Variants in PHRF1 observed in about 807,000 individuals in gnomAD.
PHRF1 encodes the protein PHD and RING finger domain-containing protein 1.
A neutral mutation model predicts 128.9 loss-of-function variants in PHRF1; 53 were observed. That is an observed-to-expected ratio of 0.41 (90% confidence interval 0.33 to 0.52). The LOEUF is 0.52. Among genes scored for constraint, PHRF1 ranks in the 20% least tolerant of loss-of-function variants. The pLI is 0.21. For synonymous variants in PHRF1, 1,178 were observed against 980.6 expected, an observed-to-expected ratio of 1.20 and a Z score of -3.76; for missense variants, 2,503 against 2,284.5, an observed-to-expected ratio of 1.10 and a Z score of -1.95.
Position 591,373 on chromosome 11 carries a change from A to G in PHRF1, c.421-11A>G, listed in dbSNP as rs377330405. The G allele has an allele frequency of 2.5e-5, 40 of 1,598,766 alleles. 1 individual carries two copies. In the African/African-American group the frequency reaches 3.9e-4, roughly 16 times the overall value. On this transcript the variant is annotated splice_polypyrimidine_tract_variant and intron_variant, in intron 4 of 17. Transcript: ENST00000264555. ...TTGACAAGATTCTGATCCTGTTTTTATTTCTCACAGAATGCCAATTCCTGT... is the reference window on the plus strand; with the variant it reads ...TTGACAAGATTCTGATCCTGTTTTTGTTTCTCACAGAATGCCAATTCCTGT...
Position 609,692 on chromosome 11 carries a change from C to A in PHRF1, c.4236C>A (p.Ser1412Arg). ...RVTWNLQESE[S>R]SAPAEDRAPR... ...CCTGGAACCTGCAGGAGTCGGAGAG[C>A]AGCGCCCCCGCCGAGGACAGAGCCC... is the stretch of plus-strand genomic sequence containing the variant. Residue 1412 changes from serine to arginine, a missense_variant, in exon 14 of 18, where the codon AGC (serine) becomes AGA (arginine). By Grantham distance (110) the Ser-to-Arg change is moderately radical. Transcript: ENST00000264555. 1 of 1,513,038 alleles carries A rather than the reference C, an allele frequency of 6.6e-7. No individual in the cohort carries two copies. Among genetic ancestry groups the A allele is most frequent in the Non-Finnish European group, 8.8e-7 (1 of 1,133,522 alleles). The allele number at this position is 1,513,038 out of a possible 1,614,324, so 93.7% of individuals were successfully genotyped here.
At chr11:592,199 G>A (rs1358767374) in intron 5 of PHRF1, among the ~76,000 whole-genome samples, 1 of 151,194 alleles carries the variant, frequency 6.6e-6, no homozygotes, top group Admixed American at 6.6e-5. Flanking sequence ...ACAGGCGTGA[G>A]CCAACGTGCC....
Position 597,686 on chromosome 11 carries a change from G to A in PHRF1, c.894+116G>A. 1 of 1,337,266 alleles carries A rather than the reference G, an allele frequency of 7.5e-7. No homozygotes were observed. The highest frequency in any genetic ancestry group is 2.5e-5 in the East Asian group (1 of 39,584). The allele number at this position is 1,337,266 out of a possible 1,614,324, so 82.8% of individuals were successfully genotyped here. On this transcript the variant is annotated intron_variant, in intron 8 of 17. Coordinates refer to ENST00000264555, the MANE Select transcript of PHRF1 (RefSeq NM_001286581.2). This position sits in a 1 kb window ranked among gnomAD's most constrained non-coding sequence, Gnocchi z 6.5. ...ACTGTGGGGTCCGCCCGGCCCCGGT[G>A]GCTCATGTTGTTCGGCCTGCTGAGG...
chr11:581,254 C>G (rs547132232), intron 1 of PHRF1, among the ~76,000 whole-genome samples: 32 of 151,996 alleles, frequency 2.1e-4, no homozygotes, highest in Non-Finnish European at 4.6e-4. Context: ...TGGGTGATAT[C>G]TTAGGGCTCA....
chr11:603,525 G>A (rs1208251837), intron 10 of PHRF1, among the ~76,000 whole-genome samples: 1 of 151,798 alleles, frequency 6.6e-6, no homozygotes, highest in African/African-American at 2.4e-5. Context: ...GGTGGAGACG[G>A]GGTCTCACTG....
At chr11:611,468 G>A (rs923359741) in intron 17 of PHRF1, among the ~76,000 whole-genome samples, 166 bp from the exon 18 acceptor site, 2 of 152,198 alleles carry the variant, frequency 1.3e-5, no homozygotes, top group Non-Finnish European at 1.5e-5. Flanking sequence ...CGAACAGGAC[G>A]GGGGTCTCAC....
chr11:584,629 G>T (rs1452958505), intron 3 of PHRF1, among the ~76,000 whole-genome samples: 1 of 152,076 alleles, frequency 6.6e-6, no homozygotes, highest in Non-Finnish European at 1.5e-5. Flanking sequence ...TGGAGACCTG[G>T]AGCCCCTGAG....
chr11:578,703 C>A (rs1350898164), intron 1 of PHRF1, among the ~76,000 whole-genome samples: 2 of 152,210 alleles, frequency 1.3e-5, no homozygotes, highest in Admixed American at 1.3e-4. Context: ...GCAGCTGGGA[C>A]TACAGGCGGT....
intron 9 of PHRF1, among the ~76,000 whole-genome samples, chr11:599,687 T>C (rs1056104428): frequency 6.6e-6 from 1 of 152,202 alleles, no homozygotes; most frequent in Non-Finnish European, 1.5e-5. Context: ...AGCAGCCCTG[T>C]GGCCATGTGC....
rs747440309 is a variant in PHRF1, at chr11:610,608, G to T, written c.4524G>T (p.Pro1508=). The part of the protein sequence containing the change: ...TVQFILQGSL[P]LVGCGAAQTL... The stretch of plus-strand genomic sequence containing the variant: ...AGTTCATCCTTCAGGGGAGCCTGCC[G>T]CTAGTGGGCTGTGGGGCAGCACAGA... The change falls in exon 16 of 18, where the codon CCG becomes CCT. Residue 1508 remains proline, a synonymous_variant. Transcript: ENST00000264555. 3 of 1,606,240 alleles carry T rather than the reference G, an allele frequency of 1.9e-6. No individual in the cohort carries two copies. The South Asian group carries it at 3.3e-5, about 18-fold the overall frequency.
At position 598,384 on chromosome 11, in the gene PHRF1, G is replaced by T. The variant is rs1589884179; in HGVS notation, c.906G>T (p.Gly302=). The T allele has an allele frequency of 6.2e-7, 1 of 1,609,458 alleles. No individual in the cohort carries two copies. ...STARRVQHTP[G]RLGSSLLDEA... is the part of the protein sequence containing the mutation. Reference sequence around the variant, plus strand: ...CCCTTTGCCTGTAGCACACACCAGGGCGCCTCGGGTCTTCCCTGCTGGATG... The same window carrying T: ...CCCTTTGCCTGTAGCACACACCAGGTCGCCTCGGGTCTTCCCTGCTGGATG... Residue 302 remains glycine, a synonymous_variant, in exon 9 of 18, where the codon GGG becomes GGT. Transcript: ENST00000264555.
chr11:584,826 C>T (rs549565186), intron 3 of PHRF1, among the ~76,000 whole-genome samples: 2 of 150,918 alleles, frequency 1.3e-5, no homozygotes, highest in African/African-American at 4.9e-5. Flanking sequence ...CAGCCTCTGC[C>T]TCCCGGGTTC....
In PHRF1 at chr11:608,868, C is replaced by G; in HGVS notation, c.3412C>G (p.Gln1138Glu). ...SLERLCRHKH[Q>E]RERSHERPDR... ...GGAGAGGCTCTGCAGGCACAAGCAT[C>G]AGCGGGAACGCAGCCACGAGCGGCC... The change falls in exon 14 of 18, where the codon CAG becomes GAG. Residue 1138 changes from glutamine to glutamate, a missense_variant. Transcript: ENST00000264555. 6.2e-7 allele frequency: 1 copy of G among 1,612,398 alleles called. No individual in the cohort carries two copies. The highest frequency in any genetic ancestry group is 8.5e-7 in the Non-Finnish European group (1 of 1,179,834).
In PHRF1 at chr11:591,446, T is replaced by A. The variant is rs374555031; in HGVS notation, c.483T>A (p.Phe161Leu). Residue 161 changes from phenylalanine (F) to leucine (L), a missense_variant, in exon 5 of 18, where the codon TTT becomes TTA. Physicochemically the swap from Phe to Leu is conservative, Grantham distance 22. Coordinates refer to ENST00000264555, the MANE Select transcript of PHRF1 (RefSeq NM_001286581.2). The stretch of plus-strand genomic sequence containing the variant: ...AGTGCATTTGTATTCGAGCTCAATT[T>A]GGTGGTAAAATCTTAAGAAAGGTGA... ...LFKCICIRAQ[F>L]GGKILRKIPV... 369 of 1,609,514 alleles carry A rather than the reference T, an allele frequency of 2.3e-4. No individual in the cohort carries two copies. The highest frequency in any genetic ancestry group is 2.9e-4 in the Non-Finnish European group (345 of 1,178,126).
At chr11:584,827 T>G (rs1854431623) in intron 3 of PHRF1, among the ~76,000 whole-genome samples, 1 of 140,132 alleles carries the variant, frequency 7.1e-6, no homozygotes, top group Non-Finnish European at 1.5e-5. Flanking sequence ...AGCCTCTGCC[T>G]CCCGGGTTCA....
chr11:589,621 A>T (rs756712266), intron 4 of PHRF1, among the ~76,000 whole-genome samples: 13 of 152,262 alleles, frequency 8.5e-5, no homozygotes, highest in Non-Finnish European at 1.8e-4. Context: ...GGGGCTGCTC[A>T]CAGCACACAC....
At chr11:611,182 C>T in intron 17 of PHRF1, 100 bp downstream of exon 17, 2 of 1,538,654 alleles carry the variant, frequency 1.3e-6, no homozygotes, top group Middle Eastern at 1.7e-4. Flanking sequence ...GAGTGCAGGC[C>T]CGAGGTCAGC....
At chr11:607,020 G>C in intron 13 of PHRF1, 46 bp from the exon 14 acceptor site, 1 of 1,524,108 alleles carries the variant, frequency 6.6e-7, no homozygotes, top group Non-Finnish European at 8.8e-7. Flanking sequence ...TGACATTTAA[G>C]AAGAGTGGGT....
At chr11:586,233 C>T (rs921045871) in intron 3 of PHRF1, among the ~76,000 whole-genome samples, 1 of 151,920 alleles carries the variant, frequency 6.6e-6, no homozygotes, top group Non-Finnish European at 1.5e-5. Context: ...ACCTCGTGAT[C>T]TGCCCACCTC....
Sources: gnomAD v4.1 joint callset for allele counts (sites outside exome capture counted in the v4.1 genomes callset) on GRCh38, gnomAD v4.1.1 for gene constraint, Gnocchi (gnomAD v3.1) non-coding constraint, MANE v1.5 for transcripts, NCBI Gene and HGNC (gene_info 2026-07-23, HGNC 2026-07-21) for gene names.